RIMKLB: variants seen among roughly 807,000 people sequenced by gnomAD.
RIMKLB encodes beta-citrylglutamate synthase B.
A neutral mutation model predicts 32.0 loss-of-function variants in RIMKLB; 7 were observed. That is an observed-to-expected ratio of 0.22 (90% CI 0.12 to 0.41). The LOEUF (loss-of-function observed/expected upper bound fraction) is 0.41, where lower values mean the gene tolerates loss of function less well. Among genes scored for constraint, RIMKLB ranks in the 10% least tolerant of loss-of-function variants. The probability of loss-of-function intolerance (pLI) is 1.00; values close to 1 mark genes in which losing one functional copy is unlikely to be tolerated. For missense variants in RIMKLB, 289 were observed against 498.7 expected (o/e 0.58, Z 4.00); for synonymous variants, 172 against 185.1 (o/e 0.93, Z 0.57).
intron 1 of RIMKLB, 59 bp downstream of exon 1, chr12:8,698,356 T>C: frequency 5.0e-6 from 1 of 198,902 alleles, no homozygotes; most frequent in Non-Finnish European, 1.1e-5. Context: ...AGGCGCGCCC[T>C]CCCGAGTGGG....
rs1326402567 is a variant in RIMKLB at position 8,774,091 on chromosome 12, T to A, written c.*307T>A. The A allele has an allele frequency of 4.6e-6, 5 of 1,077,276 alleles. No individual in the cohort carries two copies. The highest frequency in any genetic ancestry group is 5.6e-6 in the Non-Finnish European group (5 of 888,344). The allele number at this position is 1,077,276 out of a possible 1,614,324, so 66.7% of individuals were successfully genotyped here. ...GGCCATGAGGAACAAATACTTTTTT[T>A]TTTTCATGGTCCCTTGCTTTTGTTT... On this transcript the variant is annotated 3_prime_UTR_variant, in exon 6 of 6. Coordinates refer to ENST00000535829, the MANE Select transcript of RIMKLB (RefSeq NM_001297776.2).
chr12:8,778,554 C>A (rs1273877684), downstream of RIMKLB, among the ~76,000 whole-genome samples: 1 of 152,142 alleles, frequency 6.6e-6, no homozygotes, highest in Non-Finnish European at 1.5e-5. Context: ...AGCACATTAA[C>A]CAAGGACATA....
chr12:8,714,451 T>C (rs1327141688), intron 2 of RIMKLB, among the ~76,000 whole-genome samples: 1 of 152,198 alleles, frequency 6.6e-6, no homozygotes, highest in Non-Finnish European at 1.5e-5. Flanking sequence ...ATACCTTGTT[T>C]ATAAGGTGCT....
At chr12:8,764,107 T>C (rs1182154486) in intron 5 of RIMKLB, among the ~76,000 whole-genome samples, 2 of 152,066 alleles carry the variant, frequency 1.3e-5, no homozygotes, top group Non-Finnish European at 2.9e-5. Context: ...AAAATTGGAG[T>C]ATTGTAGGGG....
chr12:8,683,060 G>T (rs112871388), intron 1 of RIMKLB, among the ~76,000 whole-genome samples: 39 of 152,190 alleles, frequency 2.6e-4, no homozygotes, highest in Non-Finnish European at 5.6e-4. Flanking sequence ...TGCTCTTAAG[G>T]TTCCTCCATG....
At chr12:8,729,407 G>T (rs1020358275) in intron 2 of RIMKLB, among the ~76,000 whole-genome samples, 6 of 152,074 alleles carry the variant, frequency 3.9e-5, no homozygotes, top group Non-Finnish European at 8.8e-5. Flanking sequence ...ACTCTTCTCT[G>T]AAGCTGCGCT....
chr12:8,753,786 T>G, intron 4 of RIMKLB, 104 bp from the exon 5 acceptor site: 1 of 857,474 alleles, frequency 1.2e-6, no homozygotes, highest in Non-Finnish European at 1.8e-6. Context: ...AAAAATGTAG[T>G]TGGTTCTGAA....
Position 8,761,272 on chromosome 12 carries a change from CAAAAAAAA to C in RIMKLB, c.697+7191_697+7198del, listed in dbSNP as rs35464055. Reference sequence around the variant, plus strand: ...AGACGAGAGGGTGAGGGGGAGATAGCAAAAAAAAAAAAAAAAAAAGAATTTGTTTTTCC... The same window carrying C: ...AGACGAGAGGGTGAGGGGGAGATAGCAAAAAAAAAAAGAATTTGTTTTTCC... On this transcript the variant is annotated intron_variant, in intron 5 of 5. Transcript: ENST00000535829. Among the ~76,000 whole-genome samples the C allele has an allele frequency of 2.4e-3, 134 of 55,906 alleles. 2 individuals carry two copies. The East Asian group carries it at 0.047, about 20-fold the overall frequency. The allele number at this position is 55,906 out of a possible 152,430, so 36.7% of individuals were successfully genotyped here.
At chr12:8,768,607 A>G (rs1187460033) in intron 5 of RIMKLB, among the ~76,000 whole-genome samples, 1 of 152,176 alleles carries the variant, frequency 6.6e-6, no homozygotes, top group Non-Finnish European at 1.5e-5. Flanking sequence ...GGCATTCTAT[A>G]TTGGTAAAGT....
At chr12:8,670,693 G>A in the RIMKLB span, among the ~76,000 whole-genome samples, 6 of 152,244 alleles carry the variant, frequency 3.9e-5, no homozygotes, top group African/African-American at 1.4e-4. Context: ...GGGGGCCATG[G>A]CCGTCTTCTC....
At chr12:8,753,813 CAAG>C (rs1428291357) in intron 4 of RIMKLB, 74 bp from the exon 5 acceptor site, 1 of 1,141,662 alleles carries the variant, frequency 8.8e-7, no homozygotes, top group African/African-American at 1.5e-5. Context: ...GATTGTGATA[CAAG>C]AAGATTCAGA....
chr12:8,692,544 C>G (rs1208608262), upstream of RIMKLB, among the ~76,000 whole-genome samples: 1 of 152,088 alleles, frequency 6.6e-6, no homozygotes, highest in African/African-American at 2.4e-5. Flanking sequence ...TAACCAGATA[C>G]AATTAAAGAA....
chr12:8,736,144 A>G (rs1285756278), intron 2 of RIMKLB, among the ~76,000 whole-genome samples: 1 of 152,214 alleles, frequency 6.6e-6, no homozygotes, highest in East Asian at 1.9e-4. Context: ...TTTGGAGTGG[A>G]AAACCATTGT....
chr12:8,761,847 C>T (rs755475878), intron 5 of RIMKLB, among the ~76,000 whole-genome samples: 2 of 152,020 alleles, frequency 1.3e-5, no homozygotes, highest in African/African-American at 2.4e-5. Flanking sequence ...GTCGTGCAGT[C>T]GAGATTTCCT....
chr12:8,733,254 GAAT>G (rs1425518860), intron 2 of RIMKLB, among the ~76,000 whole-genome samples: 2 of 148,356 alleles, frequency 1.3e-5, no homozygotes, highest in African/African-American at 5.0e-5. Flanking sequence ...ATCAGTTCTT[GAAT>G]TTATATTATA....
At chr12:8,759,906 T>G (rs1949371986) in intron 5 of RIMKLB, among the ~76,000 whole-genome samples, 1 of 152,214 alleles carries the variant, frequency 6.6e-6, no homozygotes. Flanking sequence ...GGAGGGATGA[T>G]TGTCAGATTT....
At chr12:8,718,425 C>T (rs1464061252) in intron 2 of RIMKLB, among the ~76,000 whole-genome samples, 4 of 152,262 alleles carry the variant, frequency 2.6e-5, no homozygotes, top group East Asian at 1.9e-4. Flanking sequence ...GCCGGCAGAT[C>T]GCGAGGTCAG....
intron 1 of RIMKLB, among the ~76,000 whole-genome samples, chr12:8,702,912 C>T (rs1330327810): frequency 6.6e-6 from 1 of 152,194 alleles, no homozygotes; most frequent in East Asian, 1.9e-4. Context: ...TTGTACTGTG[C>T]ATTAAACCTA....
chr12:8,691,081 C>T (rs978562266), intron 1 of RIMKLB, among the ~76,000 whole-genome samples: 2 of 152,028 alleles, frequency 1.3e-5, no homozygotes, highest in Non-Finnish European at 2.9e-5. Context: ...CTAAGTCTAC[C>T]TTTACCATTT....
Sources: gnomAD v4.1 joint callset for allele counts (sites outside exome capture counted in the v4.1 genomes callset) on GRCh38, gnomAD v4.1.1 for gene constraint, MANE v1.5 for transcripts, NCBI Gene and HGNC (gene_info 2026-07-23, HGNC 2026-07-21) for gene names.